PC: variants seen among roughly 807,000 people sequenced by gnomAD.
PC encodes the protein pyruvate carboxylase, mitochondrial.
PC carries 46 observed loss-of-function variants against 107.8 expected under a neutral mutation model. That is an observed-to-expected ratio of 0.43 (90% CI 0.34 to 0.55). The LOEUF is 0.55. PC is among the 20% of genes least tolerant of loss of function. The probability of loss-of-function intolerance (pLI) is 0.04; values close to 1 mark genes in which losing one functional copy is unlikely to be tolerated. For missense variants in PC, 1,241 were observed against 1,643.1 expected (o/e 0.76, Z 4.23); for synonymous variants, 662 against 684.7 (o/e 0.97, Z 0.52).
intron 3 of PC, among the ~76,000 whole-genome samples, chr11:66,936,839 C>CT (rs1046102213): frequency 1.7e-4 from 25 of 149,134 alleles, no homozygotes; most frequent in South Asian, 6.4e-4. Context: ...GATAGGTCTT[C>CT]TTTTTTTTTT....
chr11:66,943,800 TG>T (rs1219592123), intron 3 of PC, among the ~76,000 whole-genome samples: 1 of 93,120 alleles, frequency 1.1e-5, no homozygotes, highest in African/African-American at 4.2e-5. Flanking sequence ...TTTCTCAACA[TG>T]GTGAAACCCC....
At chr11:66,865,307 CG>C (rs1431512741) in intron 11 of PC, among the ~76,000 whole-genome samples, 2 of 152,254 alleles carry the variant, frequency 1.3e-5, no homozygotes, top group African/African-American at 4.8e-5. Flanking sequence ...CACACAAGCC[CG>C]GGGGCCTCTG....
intron 12 of PC, among the ~76,000 whole-genome samples, chr11:66,855,189 G>A (rs1355514582): frequency 1.3e-5 from 2 of 152,176 alleles, no homozygotes; most frequent in African/African-American, 4.8e-5. Context: ...TGTGACTGTC[G>A]GGTTGCCCAT....
rs1240885755 is a variant in PC at position 66,870,192 on chromosome 11, AGTCCCCAGAAGGGGACTCAGG to A, written c.903+89_903+109del. 9.0e-6 allele frequency: 12 copies of A among 1,334,840 alleles called. No individual in the cohort carries two copies. The highest frequency in any genetic ancestry group is 2.9e-5 in the African/African-American group (2 of 69,566). 82.7% of individuals were successfully genotyped at this position (1,334,840 alleles called of 1,614,324 possible). On this transcript the variant is annotated intron_variant, in intron 9 of 22. Coordinates refer to ENST00000393960, the MANE Select transcript of PC (RefSeq NM_001040716.2). This position sits in a 1 kb window ranked among gnomAD's most constrained non-coding sequence, Gnocchi z 6.1. Reference sequence around the variant, plus strand: ...CCTTCACCCTCTTCTCCCCATCCCCAGTCCCCAGAAGGGGACTCAGGGTCCCCTTCCCCAACCAGCGCCCCA... The same window carrying A: ...CCTTCACCCTCTTCTCCCCATCCCCAGTCCCCTTCCCCAACCAGCGCCCCA...
intron 12 of PC, chr11:66,859,700 C>T (rs374386396): frequency 1.7e-5 from 27 of 1,612,646 alleles, no homozygotes; most frequent in South Asian, 3.3e-5. Flanking sequence ...CTGACTATGA[C>T]CTCTGCCTGC....
intron 3 of PC, among the ~76,000 whole-genome samples, chr11:66,918,975 T>C (rs947599961): frequency 6.6e-6 from 1 of 152,126 alleles, no homozygotes; most frequent in African/African-American, 2.4e-5. Context: ...CCCCGTCAAG[T>C]TTCCAGCACC....
chr11:66,873,531 T>A (rs1946860911), intron 3 of PC, among the ~76,000 whole-genome samples: 1 of 99,256 alleles, frequency 1.0e-5, no homozygotes, highest in African/African-American at 4.1e-5. Flanking sequence ...TATATTATAA[T>A]ATATATTATA....
intron 3 of PC, among the ~76,000 whole-genome samples, chr11:66,880,573 C>G (rs556057880): frequency 6.6e-6 from 1 of 152,206 alleles, no homozygotes; most frequent in Non-Finnish European, 1.5e-5. Context: ...TCAGGCTGTA[C>G]GAAACCAAGC....
At chr11:66,937,681 T>C (rs544123915) in intron 3 of PC, among the ~76,000 whole-genome samples, 20 of 152,308 alleles carry the variant, frequency 1.3e-4, no homozygotes, top group African/African-American at 3.8e-4. Flanking sequence ...TCAAGCTTGC[T>C]GATTTTTTTC....
At chr11:66,921,892 T>C (rs980429743) in intron 3 of PC, among the ~76,000 whole-genome samples, 9 of 152,186 alleles carry the variant, frequency 5.9e-5, no homozygotes, top group African/African-American at 1.9e-4. Flanking sequence ...TAATCTCGTT[T>C]TCCCCACACT....
At position 66,871,963 on chromosome 11, in the gene PC, A is replaced by G. The variant is rs1050982178; in HGVS notation, c.136+61T>C. On this transcript the variant is annotated intron_variant, in intron 4 of 22. Transcript: ENST00000393960. The surrounding 1 kb of genome is among the most constrained non-coding windows in gnomAD (Gnocchi z 7.4). ...GCCAGGGCCTGGGGCAGTGAGTGGG[A>G]GAAGAATGCCAAGGCTGGGGCGGCC... The G allele has an allele frequency of 4.5e-6, 7 of 1,563,520 alleles. No homozygotes were observed. In the East Asian group the frequency reaches 1.4e-4, roughly 32 times the overall value.
intron 12 of PC, among the ~76,000 whole-genome samples, chr11:66,862,767 C>G (rs1345797564): frequency 6.6e-6 from 1 of 152,218 alleles, no homozygotes; most frequent in Non-Finnish European, 1.5e-5. Flanking sequence ...ATCCTAAATA[C>G]CCATTTAGAG....
chr11:66,849,697 T>TG lies in PC; in HGVS notation c.3060dup (p.Lys1021GlnfsTer12). The TG allele has an allele frequency of 6.2e-7, 1 of 1,614,182 alleles. No homozygotes were observed. The highest frequency in any genetic ancestry group is 8.5e-7 in the Non-Finnish European group (1 of 1,180,024). The stretch of plus-strand genomic sequence containing the variant: ...GGGCCAAAGGTGGCAGTGAAGTCCT[T>TG]GAAGTGGGCAAACACATCGGGGTAC... On this transcript the variant is annotated frameshift_variant, in exon 21 of 23. Coordinates refer to ENST00000393960, the MANE Select transcript of PC (RefSeq NM_001040716.2). LOFTEE classifies it high-confidence loss of function.
chr11:66,855,479 AAT>A (rs1945749170), intron 12 of PC, among the ~76,000 whole-genome samples: 1 of 152,184 alleles, frequency 6.6e-6, no homozygotes, highest in South Asian at 2.1e-4. Context: ...TTGTATTTTT[AAT>A]AGAGATGGGG....
chr11:66,931,659 C>A (rs1459682395), intron 3 of PC, among the ~76,000 whole-genome samples: 1 of 151,854 alleles, frequency 6.6e-6, no homozygotes, highest in Non-Finnish European at 1.5e-5. Context: ...GGACGATTTC[C>A]AAGATACACT....
chr11:66,869,826 C>G (rs770107961), intron 9 of PC, among the ~76,000 whole-genome samples: 1 of 152,156 alleles, frequency 6.6e-6, no homozygotes, highest in Non-Finnish European at 1.5e-5. Context: ...CAGGACCCCC[C>G]GACCAGAGGT....
rs777329686 is a variant in PC at position 66,871,737 on chromosome 11, C to T, written c.271G>A (p.Ala91Thr). The part of the protein sequence containing the change: ...DEAYLIGRGL[A>T]PVQAYLHIPD... ...ATGTGCAGGTAGGCCTGCACGGGGGCCAGGCCGCGGCCGATGAGATAGGCT... is the reference window on the plus strand; with the variant it reads ...ATGTGCAGGTAGGCCTGCACGGGGGTCAGGCCGCGGCCGATGAGATAGGCT... Residue 91 changes from alanine (A) to threonine (T), a missense_variant, in exon 5 of 23, where the codon GCC becomes ACC. Physicochemically the swap from Ala to Thr is moderately conservative, Grantham distance 58. This residue lies in a region of PC where 1,143 missense variants were observed against 1,551.9 expected (regional missense o/e 0.74). Coordinates refer to ENST00000393960, the MANE Select transcript of PC (RefSeq NM_001040716.2). This position sits in a 1 kb window ranked among gnomAD's most constrained non-coding sequence, Gnocchi z 7.4. 3 of 1,579,946 alleles carry T rather than the reference C, an allele frequency of 1.9e-6. No individual in the cohort carries two copies. Among genetic ancestry groups the T allele is most frequent in the Non-Finnish European group, 2.6e-6 (3 of 1,163,110 alleles).
Position 66,850,050 on chromosome 11 carries a change from C to G in PC, c.2785G>C (p.Ala929Pro), listed in dbSNP as rs1343711316. Residue 929 changes from alanine to proline, a missense_variant, in exon 20 of 23, where the codon GCA becomes CCA. By Grantham distance (27) the Ala-to-Pro change is conservative. Around this residue, in one of 2 missense-constraint regions of PC, gnomAD observed 1,143 missense variants for 1,551.9 expected, o/e 0.74. Coordinates refer to ENST00000393960, the MANE Select transcript of PC (RefSeq NM_001040716.2). ...TCTTCCGCCTGAGCTTCGGCCTCTG[C>G]CCGGCTCAATCCATTCTGCACCATA... ...QFMVQNGLSR[A>P]EAEAQAEELS... is the part of the protein sequence containing the mutation. The G allele has an allele frequency of 6.2e-7, 1 of 1,613,712 alleles. No homozygotes were observed. The highest frequency in any genetic ancestry group is 8.5e-7 in the Non-Finnish European group (1 of 1,180,040).
rs957628813 is a variant in PC at position 66,876,454 on chromosome 11, G to T, written c.1-4295C>A. Among the ~76,000 whole-genome samples the T allele has an allele frequency of 7.2e-5, 11 of 152,346 alleles. No individual in the cohort carries two copies. The East Asian group carries it at 2.1e-3, about 29-fold the overall frequency. ...GTCTGAAATCATTTCAAATTGACAA[G>T]TGAAAAGAACCATACCCACCGCTAA... On this transcript the variant is annotated intron_variant, in intron 3 of 22. Transcript: ENST00000393960.
Sources: gnomAD v4.1 joint callset for allele counts (sites outside exome capture counted in the v4.1 genomes callset) on GRCh38, gnomAD v4.1.1 for gene constraint, gnomAD v4.1.1 regional missense constraint, Gnocchi (gnomAD v3.1) non-coding constraint, MANE v1.5 for transcripts, NCBI Gene and HGNC (gene_info 2026-07-23, HGNC 2026-07-21) for gene names.